The following DNAI4 variants were observed in gnomAD, a reference collection of about 807,000 sequenced individuals.
The protein encoded by DNAI4 is dynein axonemal intermediate chain 4.
Under a neutral mutation model 105.8 loss-of-function variants are expected in DNAI4, and 85 were observed. The ratio of observed to expected loss-of-function variants is 0.80; its 90% CI spans 0.67 to 0.96. The LOEUF is 0.96. Ranked by LOEUF, DNAI4 falls within the 40% of genes least tolerant of loss-of-function variation. The pLI, the probability that DNAI4 is intolerant of heterozygous loss-of-function variation, is 0.00. For missense variants in DNAI4, 1,014 were observed against 1,005.6 expected (o/e 1.01, Z -0.11); for synonymous variants, 352 against 331.5 (o/e 1.06, Z -0.67).
intron 7 of DNAI4, among the ~76,000 whole-genome samples, chr1:66,859,898 A>T (rs996754192): frequency 6.6e-6 from 1 of 152,212 alleles, no homozygotes; most frequent in Non-Finnish European, 1.5e-5. Flanking sequence ...TGGTAGAAAC[A>T]TGCCGTTATG....
At chr1:66,819,834 G>T (rs1001918049) in intron 16 of DNAI4, among the ~76,000 whole-genome samples, 9 of 151,882 alleles carry the variant, frequency 5.9e-5, no homozygotes, top group Non-Finnish European at 7.4e-5. Flanking sequence ...CCCAACCACC[G>T]CAAATTCAGA....
At chr1:66,836,475 T>A (rs1352404465) in intron 10 of DNAI4, among the ~76,000 whole-genome samples, 1 of 152,188 alleles carries the variant, frequency 6.6e-6, no homozygotes, top group Non-Finnish European at 1.5e-5. Context: ...ATCTAGCATA[T>A]AATTCCTGTC....
At chr1:66,850,504 A>G (rs918458846) in intron 7 of DNAI4, among the ~76,000 whole-genome samples, 1 of 152,056 alleles carries the variant, frequency 6.6e-6, no homozygotes, top group Non-Finnish European at 1.5e-5. Context: ...AAGGAATTTT[A>G]GAACATCTGA....
chr1:66,841,057 A>G (rs1646138742), intron 8 of DNAI4, among the ~76,000 whole-genome samples: 2 of 152,182 alleles, frequency 1.3e-5, no homozygotes, highest in Admixed American at 1.3e-4. Context: ...CACCACACAC[A>G]CAGGACACCC....
intron 13 of DNAI4, among the ~76,000 whole-genome samples, chr1:66,830,144 T>TA (rs1645836119): frequency 6.6e-6 from 1 of 151,496 alleles, no homozygotes; most frequent in African/African-American, 2.4e-5. Flanking sequence ...ACTTTCATTC[T>TA]AAAAAATTAG....
At chr1:66,881,988 G>C (rs552238581) in intron 4 of DNAI4, among the ~76,000 whole-genome samples, 81 of 152,132 alleles carry the variant, frequency 5.3e-4, no homozygotes, top group Non-Finnish European at 6.6e-4. Flanking sequence ...GAGTTTCCCT[G>C]AACAACCTCT....
intron 4 of DNAI4, among the ~76,000 whole-genome samples, chr1:66,881,965 G>GT (rs1433718605): frequency 6.6e-6 from 1 of 152,126 alleles, no homozygotes; most frequent in Admixed American, 6.5e-5. Context: ...AGATCTGATG[G>GT]TTTTAAAAAT....
At chr1:66,817,134 A>G (rs1401055460) in intron 16 of DNAI4, among the ~76,000 whole-genome samples, 1 of 152,210 alleles carries the variant, frequency 6.6e-6, no homozygotes, top group Admixed American at 6.5e-5. Context: ...TGAAAATGTC[A>G]TATTTTATCT....
Position 66,834,161 on chromosome 1 carries a change from A to G in DNAI4, c.1734-13T>C. The G allele has an allele frequency of 6.3e-7, 1 of 1,578,606 alleles. No homozygotes were observed. Among genetic ancestry groups the G allele is most frequent in the African/African-American group, 1.4e-5 (1 of 72,626 alleles). ...TTGAGGTGATTCACTAAAACAGTAA[A>G]AAAAATACTAAACATATAATCATTA... On this transcript the variant is annotated splice_polypyrimidine_tract_variant and intron_variant, in intron 11 of 16. Transcript: ENST00000371026.
At chr1:66,815,092 A>AT (rs1645489302) in intron 16 of DNAI4, among the ~76,000 whole-genome samples, 1 of 152,128 alleles carries the variant, frequency 6.6e-6, no homozygotes, top group African/African-American at 2.4e-5. Flanking sequence ...GTCAGTTCCT[A>AT]TTTTTTAGCC....
intron 1 of DNAI4, among the ~76,000 whole-genome samples, chr1:66,911,049 A>C (rs1649620457): frequency 1.3e-5 from 2 of 152,140 alleles, no homozygotes; most frequent in South Asian, 2.1e-4. Context: ...ACAGGCAGAG[A>C]GCTCAGTCCC....
chr1:66,922,765 T>G (rs900218443), intron 1 of DNAI4, among the ~76,000 whole-genome samples: 2 of 152,224 alleles, frequency 1.3e-5, no homozygotes, highest in African/African-American at 4.8e-5. Context: ...ATTTGCCATT[T>G]ACTAAAATGA....
At chr1:66,882,744 T>C (rs1177741428) in intron 4 of DNAI4, among the ~76,000 whole-genome samples, 1 of 152,116 alleles carries the variant, frequency 6.6e-6, no homozygotes, top group Non-Finnish European at 1.5e-5. Flanking sequence ...CTTCACTTTT[T>C]TTTTTTCCAG....
intron 9 of DNAI4, 141 bp downstream of exon 9, chr1:66,840,328 T>G: frequency 1.4e-6 from 1 of 728,408 alleles, no homozygotes; most frequent in Non-Finnish European, 2.3e-6. Context: ...GGAACTTGTT[T>G]TAGGGGCATT....
intron 3 of DNAI4, 110 bp downstream of exon 3, chr1:66,893,119 A>AAGAAAGAAAGAG (rs1414013210): frequency 1.9e-6 from 1 of 526,734 alleles, no homozygotes; most frequent in Admixed American, 3.4e-5. Context: ...GAAAGAAAGA[A>AAGAAAGAAAGAG]AGAAACTGGG....
chr1:66,900,750 G>A lies in DNAI4; in HGVS notation c.345+4451C>T, dbSNP rs762091945. ...TCATTTGCATATTGATCATGTATCCGGCTGCCTTACAAAACTCATTTGCAA... is the reference window on the plus strand; with the variant it reads ...TCATTTGCATATTGATCATGTATCCAGCTGCCTTACAAAACTCATTTGCAA... On this transcript the variant is annotated intron_variant, in intron 2 of 16. Coordinates refer to ENST00000371026, the MANE Select transcript of DNAI4 (RefSeq NM_024763.5). 2.6e-5 allele frequency among the ~76,000 whole-genome samples: 4 copies of A among 151,882 alleles called. No homozygotes were observed. In the South Asian group the frequency reaches 6.2e-4, roughly 24 times the overall value.
chr1:66,836,268 GAA>G (rs761548285), intron 10 of DNAI4, among the ~76,000 whole-genome samples: 41 of 64,318 alleles, frequency 6.4e-4, no homozygotes, highest in Admixed American at 8.3e-4. Flanking sequence ...AAGAAAGAAA[GAA>G]AGAAAGAAAG....
rs761519835 is a variant in DNAI4, at chr1:66,893,311, C to G, written c.448G>C (p.Gly150Arg). The G allele has an allele frequency of 6.2e-7, 1 of 1,610,488 alleles. No individual in the cohort carries two copies. Among genetic ancestry groups the G allele is most frequent in the East Asian group, 2.2e-5 (1 of 44,610 alleles). ...GATATAAATTCTGATCCAAGTGATC[C>G]TTCTTGTGATGTCAAGAGTTTACTT... Reference protein sequence around the residue: ...KPSKLLTSQEGSLGSEFISSY... With the variant: ...KPSKLLTSQERSLGSEFISSY... Residue 150 changes from glycine (G) to arginine (R), a missense_variant, in exon 3 of 17, where the codon GGA becomes CGA. By Grantham distance (125) the Gly-to-Arg change is moderately radical (BLOSUM62 -2). Transcript: ENST00000371026.
intron 7 of DNAI4, among the ~76,000 whole-genome samples, chr1:66,854,181 C>T (rs1646452558): frequency 6.6e-6 from 1 of 152,146 alleles, no homozygotes; most frequent in African/African-American, 2.4e-5. Context: ...TAGTTGACCT[C>T]AGGAGTTTGA....
Sources: allele counts gnomAD v4.1 joint callset (sites outside exome capture counted in the v4.1 genomes callset), GRCh38; gene constraint gnomAD v4.1.1; transcripts MANE v1.5; gene names NCBI Gene and HGNC (gene_info 2026-07-23, HGNC 2026-07-21).